ASAP2: variants seen among roughly 807,000 people sequenced by gnomAD.
ASAP2 encodes the protein arf-GAP with SH3 domain, ANK repeat and PH domain-containing protein 2.
ASAP2 carries 45 observed loss-of-function variants against 131.4 expected under a neutral mutation model. The observed-to-expected ratio is 0.34, with a 90% CI of 0.27 to 0.44. The LOEUF is 0.44. Among genes scored for constraint, ASAP2 ranks in the 20% least tolerant of loss-of-function variants. The probability of loss-of-function intolerance (pLI) is 1.00; values close to 1 mark genes in which losing one functional copy is unlikely to be tolerated. For missense variants in ASAP2, 1,011 were observed against 1,297.0 expected, an observed-to-expected ratio of 0.78 and a Z score of 3.39; for synonymous variants, 510 against 503.0, an observed-to-expected ratio of 1.01 and a Z score of -0.19.
chr2:9,209,865 G>A (rs1477674035), intron 1 of ASAP2, among the ~76,000 whole-genome samples: 17 of 152,206 alleles, frequency 1.1e-4, no homozygotes, highest in Admixed American at 1.0e-3. Flanking sequence ...CACCACACCC[G>A]GCCAGCAAAC....
chr2:9,267,227 G>A lies in ASAP2; in HGVS notation c.127-12090G>A, dbSNP rs78213047. Among the ~76,000 whole-genome samples the A allele has an allele frequency of 3.6e-3, 546 of 152,148 alleles. 5 individuals are homozygous for A. The highest frequency in any genetic ancestry group is 0.012 in the African/African-American group (512 of 41,502). On this transcript the variant is annotated intron_variant, in intron 1 of 27. Coordinates refer to ENST00000281419, the MANE Select transcript of ASAP2 (RefSeq NM_003887.3). Reference sequence around the variant, plus strand: ...ATATTGCATGATGCTGAGTTTTGGGGCATGATTGATCCCATCACCCAGGTA... The same window carrying A: ...ATATTGCATGATGCTGAGTTTTGGGACATGATTGATCCCATCACCCAGGTA...
rs1264231826 is a variant in ASAP2, at chr2:9,335,130, T to C, written c.800T>C (p.Ile267Thr). The change falls in exon 9 of 28, where the codon ATA (isoleucine) becomes ACA (threonine). Residue 267 changes from isoleucine (I) to threonine (T), a missense_variant. Physicochemically the swap from Ile to Thr is moderately conservative, Grantham distance 89. This residue lies in a region of ASAP2 where 359 missense variants were observed against 598.1 expected (regional missense o/e 0.60). Transcript: ENST00000281419. ...QAQDEERRQLIQLRDILKSAL... is the reference protein window; with the variant it reads ...QAQDEERRQLTQLRDILKSAL... The stretch of plus-strand genomic sequence containing the variant: ...CAGGATGAAGAAAGAAGGCAGTTGA[T>C]ACAGCTTCGAGATATTTTGAAATCC... 6.2e-7 allele frequency: 1 copy of C among 1,614,224 alleles called. No individual in the cohort carries two copies. Among genetic ancestry groups the C allele is most frequent in the Non-Finnish European group, 8.5e-7 (1 of 1,180,048 alleles).
At chr2:9,264,850 A>T (rs1369240914) in intron 1 of ASAP2, among the ~76,000 whole-genome samples, 1 of 152,186 alleles carries the variant, frequency 6.6e-6, no homozygotes, top group African/African-American at 2.4e-5. Flanking sequence ...TAAAAAATAC[A>T]AATTTTGGCC....
chr2:9,286,520 T>C (rs764419115), intron 2 of ASAP2, among the ~76,000 whole-genome samples: 1 of 152,150 alleles, frequency 6.6e-6, no homozygotes, highest in Non-Finnish European at 1.5e-5. Flanking sequence ...TAATCTTTAC[T>C]GTTTGGCAAG....
At chr2:9,222,461 G>T (rs995951266) in intron 1 of ASAP2, among the ~76,000 whole-genome samples, 1 of 152,216 alleles carries the variant, frequency 6.6e-6, no homozygotes, top group Non-Finnish European at 1.5e-5. Context: ...TGCTGTTTCT[G>T]CTGGTGAGTG....
At chr2:9,227,176 TCCACTTCCTCCATTATCC>T (rs1451453131) in intron 1 of ASAP2, among the ~76,000 whole-genome samples, 2 of 152,184 alleles carry the variant, frequency 1.3e-5, no homozygotes, top group African/African-American at 4.8e-5. Flanking sequence ...CTCCATTATC[TCCACTTCCTCCATTATCC>T]CCACTTCCTA....
At position 9,216,453 on chromosome 2, in the gene ASAP2, A is replaced by ATTTT. The variant is rs999787414; in HGVS notation, c.126+9245_126+9248dup. Among the ~76,000 whole-genome samples, 39 of 85,422 alleles carry ATTTT rather than the reference A, an allele frequency of 4.6e-4. 1 individual carries two copies. The highest frequency in any genetic ancestry group is 5.8e-4 in the African/African-American group (12 of 20,832). 56.0% of individuals were successfully genotyped at this position (85,422 alleles called of 152,430 possible). On this transcript the variant is annotated intron_variant, in intron 1 of 27. Transcript: ENST00000281419. ...AGGTGTGCCCCACCATGCCTGTTTA[A>ATTTT]TTTTTTTTTTTTTTTTTTTTTTTTT...
At chr2:9,277,686 A>T (rs558609003) in intron 1 of ASAP2, among the ~76,000 whole-genome samples, 2 of 152,144 alleles carry the variant, frequency 1.3e-5, no homozygotes, top group Non-Finnish European at 2.9e-5. Context: ...TATGCTGGTG[A>T]CCCTCAGTGA....
intron 20 of ASAP2, among the ~76,000 whole-genome samples, chr2:9,381,728 C>G (rs966370229): frequency 1.3e-5 from 2 of 152,052 alleles, no homozygotes; most frequent in Non-Finnish European, 2.9e-5. Flanking sequence ...CAGAGCAACA[C>G]GCCATCTCCA....
At chr2:9,402,061 A>G (rs567758556) in intron 27 of ASAP2, among the ~76,000 whole-genome samples, 1 of 152,344 alleles carries the variant, frequency 6.6e-6, no homozygotes, top group South Asian at 2.1e-4. Flanking sequence ...AGCCCACCAC[A>G]CAGTAGACGC....
chr2:9,210,006 C>CA (rs1169996441), intron 1 of ASAP2, among the ~76,000 whole-genome samples: 1 of 152,160 alleles, frequency 6.6e-6, no homozygotes, highest in African/African-American at 2.4e-5. Context: ...ATTATAGTAA[C>CA]TGTTGGGCCC....
chr2:9,251,856 C>T (rs2148137581), intron 1 of ASAP2, among the ~76,000 whole-genome samples: 1 of 151,370 alleles, frequency 6.6e-6, no homozygotes, highest in East Asian at 1.9e-4. Context: ...ATGGATGGAG[C>T]AGAGATGGGC....
At chr2:9,226,830 A>G (rs1662805029) in intron 1 of ASAP2, among the ~76,000 whole-genome samples, 1 of 152,042 alleles carries the variant, frequency 6.6e-6, no homozygotes. Context: ...CTCTCCCAGC[A>G]CTCACCCAGG....
chr2:9,348,110 TTTTGTCTGTTTGTTTG>T (rs985301124), intron 11 of ASAP2, among the ~76,000 whole-genome samples: 2 of 41,624 alleles, frequency 4.8e-5, no homozygotes, highest in Admixed American at 7.1e-4. Context: ...GATGACACTT[TTTTGTCTGTTTGTTTG>T]TTTGTTTGTT....
rs573415755 is a variant in ASAP2, at chr2:9,271,457, T to C, written c.127-7860T>C. 460 of 1,402,754 alleles carry C rather than the reference T, an allele frequency of 3.3e-4. 3 individuals carry two copies. In the African/African-American group the frequency reaches 5.8e-3, roughly 18 times the overall value. 86.9% of individuals were successfully genotyped at this position (1,402,754 alleles called of 1,614,324 possible). A position where few individuals can be genotyped will look rare whatever the true frequency, so the allele number is the denominator to read the frequency against. On this transcript the variant is annotated intron_variant, in intron 1 of 27. Coordinates refer to ENST00000281419, the MANE Select transcript of ASAP2 (RefSeq NM_003887.3). ...AACTTCTTAAACGCCTTCACTGGTT[T>C]CTTTTTGGTGTAATCATCAGCGATC...
chr2:9,286,447 A>AAAATATATATAT (rs58605449), intron 2 of ASAP2, among the ~76,000 whole-genome samples: 51 of 148,484 alleles, frequency 3.4e-4, no homozygotes, highest in East Asian at 9.8e-4. Context: ...GAAAAAAAAA[A>AAAATATATATAT]ATATATATAT....
At position 9,368,464 on chromosome 2, in the gene ASAP2, A is replaced by G. The variant is rs759254805; in HGVS notation, c.1501A>G (p.Met501Val). 16 of 1,614,054 alleles carry G rather than the reference A, an allele frequency of 9.9e-6. No homozygotes were observed. Among genetic ancestry groups the G allele is most frequent in the Admixed American group, 1.7e-5 (1 of 60,004 alleles). The part of the protein sequence containing the change: ...NIGNAGFNEI[M>V]ECCLPAEDSV... ...TGGGAATGCAGGCTTTAATGAGATC[A>G]TGGAATGTTGCCTACCAGCTGAGGA... is the stretch of plus-strand genomic sequence containing the variant. The change falls in exon 16 of 28, where the codon ATG (methionine) becomes GTG (valine). Residue 501 changes from methionine (M) to valine (V), a missense_variant. This residue lies in a region of ASAP2 where 652 missense variants were observed against 698.9 expected (regional missense o/e 0.93). Coordinates refer to ENST00000281419, the MANE Select transcript of ASAP2 (RefSeq NM_003887.3).
At position 9,376,953 on chromosome 2, in the gene ASAP2, C is replaced by T. The variant is rs1010220755; in HGVS notation, c.1792C>T (p.Arg598Ter). 1.2e-6 allele frequency: 2 copies of T among 1,614,094 alleles called. No homozygotes were observed. Among genetic ancestry groups the T allele is most frequent in the Non-Finnish European group, 1.7e-6 (2 of 1,180,016 alleles). ...ALHLAVRSVDRTSLHIVDFLV... is the reference protein window; with the variant it reads ...ALHLAVRSVD ...CCACCTTGCAGTCAGATCCGTGGAT[C>T]GAACCTCTCTTCACATTGTAGACTT... The change falls in exon 18 of 28, where the codon CGA becomes TGA. Residue 598 changes from arginine (R) to a stop codon, truncating the protein, a stop_gained. Transcript: ENST00000281419. LOFTEE classifies it high-confidence loss of function.
chr2:9,269,920 T>C (rs1666222964), intron 1 of ASAP2, among the ~76,000 whole-genome samples: 1 of 152,196 alleles, frequency 6.6e-6, no homozygotes, highest in African/African-American at 2.4e-5. Context: ...CCCCGTCCCC[T>C]GTCCTGGCTC....
Sources: allele counts gnomAD v4.1 joint callset (sites outside exome capture counted in the v4.1 genomes callset), GRCh38; gene constraint gnomAD v4.1.1; regional missense constraint gnomAD v4.1.1; transcripts MANE v1.5; gene names NCBI Gene and HGNC (gene_info 2026-07-23, HGNC 2026-07-21).